Variants in SPECC1 observed in about 807,000 individuals in gnomAD.
SPECC1 encodes cytospin-B.
In SPECC1, 62 loss-of-function variants were observed where a neutral mutation model predicts 104.1. The observed-to-expected ratio is 0.60, with a 90% CI of 0.49 to 0.74. The LOEUF (loss-of-function observed/expected upper bound fraction) is 0.74, where lower values mean the gene tolerates loss of function less well. Ranked by LOEUF, SPECC1 falls within the 30% of genes least tolerant of loss-of-function variation. The pLI is 0.00. For missense variants in SPECC1, 1,306 were observed against 1,310.5 expected, an observed-to-expected ratio of 1.00 and a Z score of 0.05; for synonymous variants, 513 against 501.6, an observed-to-expected ratio of 1.02 and a Z score of -0.30.
At chr17:20,199,109 CAG>C (rs1193517577) in intron 3 of SPECC1, among the ~76,000 whole-genome samples, 3 of 86,402 alleles carry the variant, frequency 3.5e-5, no homozygotes, top group African/African-American at 1.4e-4. Context: ...TTTTTTGAAA[CAG>C]AGTCTTACTC....
At chr17:20,128,351 A>C (rs186876544) in intron 3 of SPECC1, among the ~76,000 whole-genome samples, 250 of 152,314 alleles carry the variant, frequency 1.6e-3, no homozygotes, top group African/African-American at 5.6e-3. Context: ...GTATAATAGC[A>C]ATGCTGTGTG....
intron 12 of SPECC1, 88 bp downstream of exon 12, chr17:20,260,382 T>TG (rs2039984061): frequency 9.7e-7 from 1 of 1,032,858 alleles, no homozygotes; most frequent in African/African-American, 1.6e-5. Flanking sequence ...CTGTGCTTGA[T>TG]GGGCCAATAT....
At chr17:20,024,102 C>T (rs2044506919) in intron 1 of SPECC1, among the ~76,000 whole-genome samples, 1 of 152,174 alleles carries the variant, frequency 6.6e-6, no homozygotes, top group African/African-American at 2.4e-5. Context: ...TAGTTTAATA[C>T]AAGGGGAAAG....
intron 1 of SPECC1, among the ~76,000 whole-genome samples, chr17:20,083,194 G>A (rs2047050320): frequency 6.6e-6 from 1 of 152,222 alleles, no homozygotes; most frequent in Non-Finnish European, 1.5e-5. Context: ...ATGCTAGGCA[G>A]CAGGCACAGC....
intron 12 of SPECC1, among the ~76,000 whole-genome samples, chr17:20,280,095 A>C (rs1022103266): frequency 6.6e-6 from 1 of 152,218 alleles, no homozygotes; most frequent in African/African-American, 2.4e-5. Flanking sequence ...AGAGAGGTGC[A>C]TGGGAGGACA....
intron 1 of SPECC1, among the ~76,000 whole-genome samples, chr17:20,049,237 T>C (rs2045652863): frequency 6.6e-6 from 1 of 152,206 alleles, no homozygotes; most frequent in Non-Finnish European, 1.5e-5. Flanking sequence ...TGTTTGAAGT[T>C]TTTCAAATTT....
intron 1 of SPECC1, among the ~76,000 whole-genome samples, chr17:20,078,632 CA>C (rs1200268322): frequency 4.6e-5 from 7 of 152,072 alleles, no homozygotes; most frequent in Admixed American, 4.6e-4. Context: ...TAAAATCTAT[CA>C]AAAGGTAAAA....
At chr17:20,291,415 ATTTC>A (rs1567611693) in intron 12 of SPECC1, among the ~76,000 whole-genome samples, 1 of 152,172 alleles carries the variant, frequency 6.6e-6, no homozygotes, top group African/African-American at 2.4e-5. Context: ...CGCTAGAAAT[ATTTC>A]TTTTTGTTCT....
Position 20,143,385 on chromosome 17 carries a change from C to CAAAAA in SPECC1, c.283+32835_283+32839dup, listed in dbSNP as rs559355436. Reference sequence around the variant, plus strand: ...TGGGTAACAGAGCAAGATCAAGTTTCAAAAAAAAAAAAAAAAGTCCGAGCG... The same window carrying CAAAAA: ...TGGGTAACAGAGCAAGATCAAGTTTCAAAAAAAAAAAAAAAAAAAAAGTCCGAGCG... On this transcript the variant is annotated intron_variant, in intron 3 of 14. Transcript: ENST00000395527. Among the ~76,000 whole-genome samples, 8 of 106,350 alleles carry CAAAAA rather than the reference C, an allele frequency of 7.5e-5. No homozygotes were observed. In the East Asian group the frequency reaches 1.6e-3, roughly 21 times the overall value. 69.8% of individuals were successfully genotyped at this position (106,350 alleles called of 152,430 possible).
At chr17:20,263,546 A>G (rs958057042) in intron 12 of SPECC1, among the ~76,000 whole-genome samples, 4 of 151,944 alleles carry the variant, frequency 2.6e-5, no homozygotes, top group African/African-American at 9.7e-5. Flanking sequence ...AAATAAATAA[A>G]TATCAAGAAG....
At chr17:20,226,597 A>C (rs947155189) in intron 4 of SPECC1, among the ~76,000 whole-genome samples, 2 of 152,188 alleles carry the variant, frequency 1.3e-5, no homozygotes, top group Non-Finnish European at 2.9e-5. Flanking sequence ...AGATTTTGCA[A>C]ATGTGACAAC....
intron 1 of SPECC1, among the ~76,000 whole-genome samples, chr17:20,051,112 C>CT (rs2045746713): frequency 7.6e-6 from 1 of 131,430 alleles, no homozygotes; most frequent in African/African-American, 3.1e-5. Context: ...TTCTTTCTTT[C>CT]TTTCTTTCTT....
In SPECC1 at chr17:20,096,581, C is replaced by T; in HGVS notation, c.-21-50C>T. ...GGGTGTAAAGTGTGATGATGTCATG[C>T]AGCAGGTTCAAGTGATGGAGACATG... On this transcript the variant is annotated intron_variant, in intron 1 of 14. Transcript: ENST00000395527. The T allele has an allele frequency of 1.5e-5, 24 of 1,549,134 alleles. 1 individual carries two copies. In the South Asian group the frequency reaches 2.5e-4, roughly 16 times the overall value.
At chr17:20,179,069 T>G (rs966552635) in intron 3 of SPECC1, among the ~76,000 whole-genome samples, 9 of 151,664 alleles carry the variant, frequency 5.9e-5, no homozygotes, top group Admixed American at 1.3e-4. Context: ...CAGCCTGGGT[T>G]TTTACTTGCA....
Position 20,173,381 on chromosome 17 carries a change from G to A in SPECC1, c.284-30952G>A, listed in dbSNP as rs75818900. On this transcript the variant is annotated intron_variant, in intron 3 of 14. Transcript: ENST00000395527. ...TGGTTTTATTATCTGTGAGACAGCT[G>A]TGGTCACTTTTATTTATCAAAGTGC... 1.1e-3 allele frequency among the ~76,000 whole-genome samples: 165 copies of A among 152,320 alleles called. 3 individuals carry two copies. In the East Asian group the frequency reaches 0.028, roughly 26 times the overall value.
At chr17:20,076,385 A>C (rs1211234057) in intron 1 of SPECC1, among the ~76,000 whole-genome samples, 1 of 152,134 alleles carries the variant, frequency 6.6e-6, no homozygotes, top group Non-Finnish European at 1.5e-5. Flanking sequence ...TTTTTGGTAG[A>C]GATGGAGTTT....
At chr17:20,195,564 T>A (rs987369127) in intron 3 of SPECC1, among the ~76,000 whole-genome samples, 78 of 151,880 alleles carry the variant, frequency 5.1e-4, no homozygotes, top group Non-Finnish European at 8.8e-4. Flanking sequence ...AACCCAATTT[T>A]TTTTTTTTTT....
At chr17:20,016,551 G>A (rs7215558) in intron 1 of SPECC1, among the ~76,000 whole-genome samples, 1,696 of 152,320 alleles carry the variant, frequency 0.011, 31 homozygotes, top group African/African-American at 0.038. Context: ...GGCGGGCCCC[G>A]CACTGGGAGC....
chr17:20,058,852 T>C (rs2046071257), intron 1 of SPECC1, among the ~76,000 whole-genome samples: 1 of 144,716 alleles, frequency 6.9e-6, no homozygotes. Context: ...TTTTTTTTTT[T>C]TTTTTGAGAC....
Sources: allele counts gnomAD v4.1 joint callset (sites outside exome capture counted in the v4.1 genomes callset), GRCh38; gene constraint gnomAD v4.1.1; transcripts MANE v1.5; gene names NCBI Gene and HGNC (gene_info 2026-07-23, HGNC 2026-07-21).